LRRC4C: variants seen among roughly 807,000 people sequenced by gnomAD.
LRRC4C encodes the protein leucine-rich repeat-containing protein 4C.
A neutral mutation model predicts 33.6 loss-of-function variants in LRRC4C; 5 were observed. The observed-to-expected ratio is 0.15, with a 90% CI of 0.08 to 0.31. The LOEUF is 0.31. LRRC4C is among the 10% of genes least tolerant of loss of function. The pLI is 1.00. For synonymous variants in LRRC4C, 329 were observed against 302.0 expected (o/e 1.09, Z -0.93); for missense variants, 560 against 796.7 (o/e 0.70, Z 3.58).
At chr11:41,119,188 CT>C (rs1271706995) in intron 1 of LRRC4C, among the ~76,000 whole-genome samples, 14 of 152,102 alleles carry the variant, frequency 9.2e-5, no homozygotes, top group Non-Finnish European at 1.6e-4. Flanking sequence ...TCCAAACAAT[CT>C]TTATATGTTC....
intron 1 of LRRC4C, among the ~76,000 whole-genome samples, chr11:40,999,106 T>C (rs1854183328): frequency 6.6e-6 from 1 of 152,078 alleles, no homozygotes; most frequent in Non-Finnish European, 1.5e-5. Context: ...ACAGAACATG[T>C]CCTTGTCACC....
At chr11:41,350,026 T>C (rs1951923616) in intron 1 of LRRC4C, among the ~76,000 whole-genome samples, 1 of 152,128 alleles carries the variant, frequency 6.6e-6, no homozygotes. Flanking sequence ...GTCAGTCTCT[T>C]GCAGTATCAC....
At chr11:40,521,774 C>T (rs532220348) in intron 3 of LRRC4C, among the ~76,000 whole-genome samples, 1 of 151,978 alleles carries the variant, frequency 6.6e-6, no homozygotes, top group Admixed American at 6.6e-5. Flanking sequence ...GAGGTTGAGG[C>T]AGGAGAATCG....
chr11:40,991,438 G>A (rs1853557056), intron 1 of LRRC4C, among the ~76,000 whole-genome samples: 1 of 152,146 alleles, frequency 6.6e-6, no homozygotes, highest in African/African-American at 2.4e-5. Context: ...TGTGGCATCA[G>A]GAGCCAGCTT....
intron 1 of LRRC4C, among the ~76,000 whole-genome samples, chr11:40,993,525 T>C (rs1853740769): frequency 6.6e-6 from 1 of 152,188 alleles, no homozygotes. Flanking sequence ...AAAGGACACC[T>C]GCATTGAAAC....
At chr11:41,215,947 G>T (rs975392325) in intron 1 of LRRC4C, among the ~76,000 whole-genome samples, 1 of 152,092 alleles carries the variant, frequency 6.6e-6, no homozygotes, top group Non-Finnish European at 1.5e-5. Flanking sequence ...TTCCAAAGTG[G>T]CTGCTTCGTT....
intron 1 of LRRC4C, among the ~76,000 whole-genome samples, chr11:41,404,517 CAGACACAAAGACACACAG>C (rs1400790759): frequency 8.1e-6 from 1 of 123,266 alleles, no homozygotes; most frequent in Non-Finnish European, 1.7e-5. Context: ...GACACACACA[CAGACACAAAGACACACAG>C]ACACACACAC....
intron 5 of LRRC4C, among the ~76,000 whole-genome samples, chr11:40,164,736 C>G (rs1049310674): frequency 6.6e-6 from 1 of 152,140 alleles, no homozygotes; most frequent in Admixed American, 6.5e-5. Context: ...TTCAAAATAG[C>G]TAAAAGAGAA....
chr11:41,322,381 AT>A (rs979498865), intron 1 of LRRC4C, among the ~76,000 whole-genome samples: 17 of 148,918 alleles, frequency 1.1e-4, no homozygotes, highest in East Asian at 2.0e-4. Flanking sequence ...TTCTATCTTT[AT>A]TTTTTTTTTC....
rs1011296271 is a variant in LRRC4C, at chr11:40,873,891, A to T, written c.-407+59744T>A. Reference sequence around the variant, plus strand: ...TTTCTTATGGTAAAAATCCAAAGCAATACATTTCCCATCATTGAATAGGAT... The same window carrying T: ...TTTCTTATGGTAAAAATCCAAAGCATTACATTTCCCATCATTGAATAGGAT... On this transcript the variant is annotated intron_variant, in intron 2 of 6. Transcript: ENST00000528697. 2.6e-5 allele frequency among the ~76,000 whole-genome samples: 4 copies of T among 152,218 alleles called. No homozygotes were observed. In the South Asian group the frequency reaches 8.3e-4, roughly 31 times the overall value.
intron 1 of LRRC4C, among the ~76,000 whole-genome samples, chr11:41,081,525 C>T (rs536867361): frequency 1.2e-3 from 186 of 152,216 alleles, no homozygotes; most frequent in Middle Eastern, 3.4e-3. Flanking sequence ...TTCTCTCCTT[C>T]TCTTTCAGCA....
intron 4 of LRRC4C, among the ~76,000 whole-genome samples, chr11:40,300,690 AT>A (rs1438353653): frequency 6.6e-6 from 1 of 152,228 alleles, no homozygotes; most frequent in Non-Finnish European, 1.5e-5. Context: ...TCGTATCTAG[AT>A]TACTTACCTA....
At chr11:40,462,718 A>G (rs529503108) in intron 3 of LRRC4C, among the ~76,000 whole-genome samples, 32 of 152,206 alleles carry the variant, frequency 2.1e-4, no homozygotes, top group African/African-American at 7.5e-4. Flanking sequence ...TGGAAGCAGC[A>G]AGGAGAGCTA....
intron 2 of LRRC4C, among the ~76,000 whole-genome samples, chr11:40,735,870 A>G (rs1947837300): frequency 6.6e-6 from 1 of 150,632 alleles, no homozygotes; most frequent in African/African-American, 2.4e-5. Context: ...GTGAGATGGT[A>G]TCTCATTGTG....
chr11:40,132,369 CA>C (rs1311432089), intron 6 of LRRC4C, among the ~76,000 whole-genome samples: 2 of 152,122 alleles, frequency 1.3e-5, no homozygotes, highest in Non-Finnish European at 2.9e-5. Context: ...CAATCTTTGC[CA>C]AACAACTTAA....
chr11:40,775,730 A>G (rs999862693), intron 2 of LRRC4C, among the ~76,000 whole-genome samples: 3 of 152,178 alleles, frequency 2.0e-5, no homozygotes, highest in African/African-American at 7.2e-5. Flanking sequence ...AAGAGAGAGA[A>G]TTTGACTTTT....
intron 5 of LRRC4C, among the ~76,000 whole-genome samples, chr11:40,240,670 G>A (rs1377107): frequency 0.75 from 113,408 of 152,090 alleles, 46,233 homozygotes; most frequent in East Asian, 0.95. Flanking sequence ...GCTTATAAGT[G>A]ATGGAGTTTT....
intron 2 of LRRC4C, among the ~76,000 whole-genome samples, chr11:40,757,194 G>T (rs959982495): frequency 6.6e-6 from 1 of 151,950 alleles, no homozygotes. Context: ...TACAGTGAAT[G>T]GAATGGTTTT....
intron 1 of LRRC4C, among the ~76,000 whole-genome samples, chr11:41,158,539 C>G (rs562741525): frequency 6.6e-6 from 1 of 152,214 alleles, no homozygotes; most frequent in African/African-American, 2.4e-5. Context: ...AGCCACCGCT[C>G]CTTCTTCTTT....
Sources: gnomAD v4.1 joint callset for allele counts (sites outside exome capture counted in the v4.1 genomes callset) on GRCh38, gnomAD v4.1.1 for gene constraint, MANE v1.5 for transcripts, NCBI Gene and HGNC (gene_info 2026-07-23, HGNC 2026-07-21) for gene names.